The following ANKFN1 variants were observed in gnomAD, a reference collection of about 807,000 sequenced individuals.
ANKFN1 encodes ankyrin repeat and fibronectin type-III domain-containing protein 1.
A neutral mutation model predicts 108.7 loss-of-function variants in ANKFN1; 74 were observed. That is an observed-to-expected ratio of 0.68 (90% CI 0.56 to 0.83). The LOEUF (loss-of-function observed/expected upper bound fraction) is 0.83, where lower values mean the gene tolerates loss of function less well. Ranked by LOEUF, ANKFN1 falls within the 40% of genes least tolerant of loss-of-function variation. The probability of loss-of-function intolerance (pLI) is 0.00; values close to 1 mark genes in which losing one functional copy is unlikely to be tolerated. For missense variants in ANKFN1, 1,505 were observed against 1,382.3 expected, an observed-to-expected ratio of 1.09 and a Z score of -1.41; for synonymous variants, 547 against 516.2, an observed-to-expected ratio of 1.06 and a Z score of -0.81.
At chr17:56,337,541 G>A (rs2045846150) in intron 4 of ANKFN1, among the ~76,000 whole-genome samples, 1 of 152,008 alleles carries the variant, frequency 6.6e-6, no homozygotes, top group South Asian at 2.1e-4. Flanking sequence ...TTACAGAATG[G>A]GAGACAATTT....
intron 19 of ANKFN1, among the ~76,000 whole-genome samples, chr17:56,494,313 A>G (rs2051128454): frequency 6.6e-6 from 1 of 152,186 alleles, no homozygotes; most frequent in South Asian, 2.1e-4. Flanking sequence ...CATTTACTTC[A>G]TTGATTTCAT....
intron 4 of ANKFN1, among the ~76,000 whole-genome samples, chr17:56,117,264 A>G (rs946944123): frequency 6.6e-6 from 1 of 152,182 alleles, no homozygotes; most frequent in Non-Finnish European, 1.5e-5. Context: ...TTCTATGAAT[A>G]CATGTAGTGA....
chr17:56,068,699 T>A (rs1905088564), intron 4 of ANKFN1, among the ~76,000 whole-genome samples: 1 of 152,196 alleles, frequency 6.6e-6, no homozygotes, highest in Admixed American at 6.5e-5. Flanking sequence ...CAGGATAATC[T>A]TTTTCATATT....
At chr17:56,064,538 C>G (rs1905030162) in intron 4 of ANKFN1, among the ~76,000 whole-genome samples, 1 of 152,206 alleles carries the variant, frequency 6.6e-6, no homozygotes, top group Non-Finnish European at 1.5e-5. Context: ...GTATGTTGGG[C>G]TGTGGGACCA....
At chr17:56,335,572 C>T (rs549790225) in intron 4 of ANKFN1, among the ~76,000 whole-genome samples, 6 of 152,062 alleles carry the variant, frequency 3.9e-5, no homozygotes, top group Middle Eastern at 3.4e-3. Flanking sequence ...TTTTGTATCC[C>T]GAGACTTTGC....
At chr17:56,053,114 C>A (rs1904806597) in intron 4 of ANKFN1, among the ~76,000 whole-genome samples, 1 of 152,078 alleles carries the variant, frequency 6.6e-6, no homozygotes, top group African/African-American at 2.4e-5. Flanking sequence ...GTACCGGATA[C>A]TTTTTGTAGG....
At chr17:56,458,702 T>A (rs1040671309) in intron 14 of ANKFN1, among the ~76,000 whole-genome samples, 2 of 152,116 alleles carry the variant, frequency 1.3e-5, no homozygotes, top group Admixed American at 6.6e-5. Flanking sequence ...AAAAAAAATA[T>A]CTGCTACATG....
At chr17:56,283,698 A>G (rs1276801586) in intron 3 of ANKFN1, among the ~76,000 whole-genome samples, 2 of 152,010 alleles carry the variant, frequency 1.3e-5, no homozygotes, top group East Asian at 3.9e-4. Context: ...TGAGGATGCA[A>G]AGGCATAAGA....
chr17:56,227,495 A>C lies in ANKFN1; in HGVS notation c.13-422A>C, dbSNP rs189260233. On this transcript the variant is annotated intron_variant, in intron 2 of 20. Transcript: ENST00000682825. ...AATCTTTAGGAGAAGTTTCATTTAA[A>C]GGAACAATGTGTCAGAACTTGGCCA... is the stretch of plus-strand genomic sequence containing the variant. Among the ~76,000 whole-genome samples the C allele has an allele frequency of 1.2e-4, 18 of 152,318 alleles. No individual in the cohort carries two copies. In the East Asian group the frequency reaches 3.5e-3, roughly 29 times the overall value.
At chr17:56,284,754 A>G (rs943722648) in intron 3 of ANKFN1, among the ~76,000 whole-genome samples, 27 of 152,342 alleles carry the variant, frequency 1.8e-4, no homozygotes, top group Middle Eastern at 3.4e-3. Context: ...CAAATCTGGC[A>G]TAAGAACAGG....
intron 19 of ANKFN1, among the ~76,000 whole-genome samples, chr17:56,494,031 TAGTA>T (rs1468999791): frequency 1.3e-5 from 2 of 152,198 alleles, no homozygotes. Context: ...GCCTGGCACA[TAGTA>T]AGTATGTAAT....
At chr17:56,122,606 T>C (rs1431673591) in intron 4 of ANKFN1, among the ~76,000 whole-genome samples, 1 of 152,170 alleles carries the variant, frequency 6.6e-6, no homozygotes, top group Non-Finnish European at 1.5e-5. Context: ...ACTCCCTTCT[T>C]CTGCTTCAGA....
chr17:56,123,036 G>C (rs529943216), intron 4 of ANKFN1, among the ~76,000 whole-genome samples: 3 of 152,318 alleles, frequency 2.0e-5, no homozygotes, highest in Admixed American at 6.5e-5. Context: ...TTATGTGCCA[G>C]GAACTTTACT....
chr17:56,154,147 T>A (rs1436836815), intron 1 of ANKFN1, among the ~76,000 whole-genome samples: 3 of 152,152 alleles, frequency 2.0e-5, no homozygotes, highest in Non-Finnish European at 4.4e-5. Flanking sequence ...TCCCTGTTAC[T>A]GACCCAGATT....
At chr17:56,052,372 G>A (rs542006781) in intron 4 of ANKFN1, among the ~76,000 whole-genome samples, 1 of 152,292 alleles carries the variant, frequency 6.6e-6, no homozygotes, top group African/African-American at 2.4e-5. Context: ...TGGGGCAGTG[G>A]TTCAGGAAGG....
chr17:56,071,331 T>G (rs1905118722), intron 4 of ANKFN1, among the ~76,000 whole-genome samples: 1 of 152,178 alleles, frequency 6.6e-6, no homozygotes, highest in Non-Finnish European at 1.5e-5. Context: ...CCCATAAACT[T>G]TGGTTCTCTT....
At position 56,188,591 on chromosome 17, in the gene ANKFN1, A is replaced by G. The variant is rs1207331691; in HGVS notation, c.-70-24007A>G. On this transcript the variant is annotated intron_variant, in intron 1 of 20. Transcript: ENST00000682825. ...TGTGTGTGTGTGTGTGTATATATATATATATATATATATATATATATATAT... is the reference window on the plus strand; with the variant it reads ...TGTGTGTGTGTGTGTGTATATATATGTATATATATATATATATATATATAT... Among the ~76,000 whole-genome samples the G allele has an allele frequency of 2.7e-3, 317 of 116,138 alleles. 2 individuals carry two copies. Among genetic ancestry groups the G allele is most frequent in the East Asian group, 0.012 (49 of 4,186 alleles). 76.2% of individuals were successfully genotyped at this position (116,138 alleles called of 152,430 possible).
intron 4 of ANKFN1, among the ~76,000 whole-genome samples, chr17:56,076,166 A>G (rs943282065): frequency 6.6e-6 from 1 of 152,158 alleles, no homozygotes; most frequent in African/African-American, 2.4e-5. Context: ...GGAATTCTCA[A>G]CCATGACAAT....
chr17:56,409,035 C>T (rs779254596), intron 8 of ANKFN1, among the ~76,000 whole-genome samples: 1 of 151,932 alleles, frequency 6.6e-6, no homozygotes, highest in Non-Finnish European at 1.5e-5. Context: ...AGAAATTCTC[C>T]TGCCTCAGCC....
Sources: allele counts gnomAD v4.1 joint callset (sites outside exome capture counted in the v4.1 genomes callset), GRCh38; gene constraint gnomAD v4.1.1; transcripts MANE v1.5; gene names NCBI Gene and HGNC (gene_info 2026-07-23, HGNC 2026-07-21).